Variants in TGFB2 observed in about 807,000 individuals in gnomAD.
TGFB2 encodes transforming growth factor beta 2, also known as transforming growth factor beta-2 proprotein.
In TGFB2, 13 loss-of-function variants were observed where a neutral mutation model predicts 42.7. The observed-to-expected ratio is 0.30, with a 90% CI of 0.20 to 0.48. The LOEUF (loss-of-function observed/expected upper bound fraction) is 0.48. TGFB2 is among the 20% of genes least tolerant of loss of function. The probability of loss-of-function intolerance (pLI) is 0.99; values close to 1 mark genes in which losing one functional copy is unlikely to be tolerated. For synonymous variants in TGFB2, 193 were observed against 193.6 expected, an observed-to-expected ratio of 1.00 and a Z score of 0.03; for missense variants, 390 against 517.5, an observed-to-expected ratio of 0.75 and a Z score of 2.39.
chr1:218,368,613 T>C (rs1657465761), intron 1 of TGFB2, among the ~76,000 whole-genome samples: 1 of 152,054 alleles, frequency 6.6e-6, no homozygotes, highest in African/African-American at 2.4e-5. Flanking sequence ...GCAGGGGAAG[T>C]AGAGATTGGT....
At chr1:218,421,893 C>T (rs1156588942) in intron 2 of TGFB2, among the ~76,000 whole-genome samples, 1 of 152,080 alleles carries the variant, frequency 6.6e-6, no homozygotes, top group Non-Finnish European at 1.5e-5. Flanking sequence ...CCAAGGAACA[C>T]CAAAAATTGC....
chr1:218,416,453 A>G (rs2102607096), intron 2 of TGFB2, among the ~76,000 whole-genome samples: 1 of 152,322 alleles, frequency 6.6e-6, no homozygotes, highest in Non-Finnish European at 1.5e-5. Context: ...AGAGTCCAGC[A>G]TACATACTTG....
intron 1 of TGFB2, among the ~76,000 whole-genome samples, chr1:218,370,465 A>G (rs983394460): frequency 6.6e-6 from 1 of 152,240 alleles, no homozygotes; most frequent in Non-Finnish European, 1.5e-5. Context: ...TACTGAGACT[A>G]GAGAATAGGA....
intron 1 of TGFB2, among the ~76,000 whole-genome samples, chr1:218,384,267 T>G (rs4335431): frequency 3.9e-5 from 6 of 152,298 alleles, no homozygotes; most frequent in African/African-American, 1.4e-4. Flanking sequence ...TAGCTATGTA[T>G]GTAGGAATGG....
chr1:218,430,307 A>G (rs757712304), intron 2 of TGFB2, among the ~76,000 whole-genome samples: 2 of 151,980 alleles, frequency 1.3e-5, no homozygotes, highest in Non-Finnish European at 2.9e-5. Flanking sequence ...AGGCGAGAGA[A>G]TCACTTGAAC....
chr1:218,394,501 CCAAA>C (rs762553200), intron 1 of TGFB2, among the ~76,000 whole-genome samples: 5 of 151,990 alleles, frequency 3.3e-5, no homozygotes, highest in Admixed American at 6.6e-5. Context: ...AAGAAGGAGC[CCAAA>C]CACTCATGCT....
intron 1 of TGFB2, among the ~76,000 whole-genome samples, chr1:218,389,787 T>C (rs1404322780): frequency 6.6e-6 from 1 of 152,256 alleles, no homozygotes; most frequent in African/African-American, 2.4e-5. Flanking sequence ...TTTTCACTTT[T>C]CTGACACAAG....
intron 2 of TGFB2, among the ~76,000 whole-genome samples, chr1:218,427,783 G>A (rs1389427184): frequency 4.6e-5 from 7 of 152,106 alleles, no homozygotes; most frequent in Non-Finnish European, 7.3e-5. Context: ...GAATAGTGCC[G>A]CAATAAACAT....
chr1:218,410,877 A>G (rs1659072112), intron 2 of TGFB2, among the ~76,000 whole-genome samples: 1 of 152,218 alleles, frequency 6.6e-6, no homozygotes, highest in South Asian at 2.1e-4. Flanking sequence ...GGGAAAGAAA[A>G]TAGGAAGGAG....
chr1:218,404,328 G>T (rs761634690), intron 1 of TGFB2, among the ~76,000 whole-genome samples: 11 of 152,136 alleles, frequency 7.2e-5, no homozygotes, highest in Non-Finnish European at 1.5e-4. Flanking sequence ...GGCCAGGGCT[G>T]GTCTCAAACT....
rs116727042 is a variant in TGFB2 at position 218,407,141 on chromosome 1, A to C, written c.510+1809A>C. ...GAGACAGCATCTTGCTCTGTCACCC[A>C]GGCTAGAATGCAGTGGTGCAGTCAT... On this transcript the variant is annotated intron_variant, in intron 2 of 6. Coordinates refer to ENST00000366930, the MANE Select transcript of TGFB2 (RefSeq NM_003238.6). Among the ~76,000 whole-genome samples the C allele has an allele frequency of 7.7e-4, 118 of 152,338 alleles. 1 individual carries two copies. The highest frequency in any genetic ancestry group is 2.7e-3 in the African/African-American group (113 of 41,582).
intron 1 of TGFB2, among the ~76,000 whole-genome samples, chr1:218,401,069 G>T (rs985692350): frequency 1.3e-5 from 2 of 152,330 alleles, no homozygotes; most frequent in Middle Eastern, 3.4e-3. Flanking sequence ...AGGCCACAGA[G>T]CACTAAATTC....
chr1:218,365,486 G>A (rs1451339741), intron 1 of TGFB2, among the ~76,000 whole-genome samples: 4 of 152,086 alleles, frequency 2.6e-5, no homozygotes, highest in African/African-American at 7.2e-5. Flanking sequence ...GCTCCTCAGC[G>A]AGTCAGGGAA....
chr1:218,405,294 A>G lies in TGFB2; in HGVS notation c.472A>G (p.Lys158Glu), dbSNP rs1445749036. ...CAGAGTCTTTCGTTTGCAGAACCCA[A>G]AAGCCAGAGTGCCTGAACAACGGAT... is the stretch of plus-strand genomic sequence containing the variant. ...EFRVFRLQNP[K>E]ARVPEQRIEL... is the part of the protein sequence containing the mutation. Residue 158 changes from lysine to glutamate, a missense_variant, in exon 2 of 7, where the codon AAA becomes GAA. Lys to Glu is a moderately conservative substitution (Grantham distance 56). Coordinates refer to ENST00000366930, the MANE Select transcript of TGFB2 (RefSeq NM_003238.6). 6.2e-7 allele frequency: 1 copy of G among 1,614,088 alleles called. No individual in the cohort carries two copies. The highest frequency in any genetic ancestry group is 1.3e-5 in the African/African-American group (1 of 74,938).
chr1:218,404,580 G>A (rs1442665597), intron 1 of TGFB2, among the ~76,000 whole-genome samples: 2 of 152,184 alleles, frequency 1.3e-5, no homozygotes, highest in Non-Finnish European at 2.9e-5. Context: ...TCTGGTATAA[G>A]CTAGTACGTG....
At chr1:218,397,006 G>A (rs978910559) in intron 1 of TGFB2, among the ~76,000 whole-genome samples, 6 of 152,146 alleles carry the variant, frequency 3.9e-5, no homozygotes, top group Non-Finnish European at 7.3e-5. Context: ...AGTGGCTCAC[G>A]CCTGTAATCC....
At chr1:218,366,537 C>T (rs1351890728) in intron 1 of TGFB2, among the ~76,000 whole-genome samples, 1 of 152,156 alleles carries the variant, frequency 6.6e-6, no homozygotes, top group Non-Finnish European at 1.5e-5. Context: ...GCTCAAACTT[C>T]TGACCTCACA....
chr1:218,388,426 T>A (rs1178423421), intron 1 of TGFB2, among the ~76,000 whole-genome samples: 1 of 150,796 alleles, frequency 6.6e-6, no homozygotes, highest in Non-Finnish European at 1.5e-5. Flanking sequence ...TTGAAGCTGA[T>A]GCTCAGACAA....
chr1:218,397,640 A>G (rs1415616595), intron 1 of TGFB2, among the ~76,000 whole-genome samples: 1 of 151,578 alleles, frequency 6.6e-6, no homozygotes, highest in Non-Finnish European at 1.5e-5. Flanking sequence ...CTTCTGTCGT[A>G]TATTTCAGCA....
Sources: allele counts gnomAD v4.1 joint callset (sites outside exome capture counted in the v4.1 genomes callset), GRCh38; gene constraint gnomAD v4.1.1; transcripts MANE v1.5; gene names NCBI Gene and HGNC (gene_info 2026-07-23, HGNC 2026-07-21).